NETO1: variants seen among roughly 807,000 people sequenced by gnomAD.
NETO1 encodes the protein neuropilin and tolloid like 1, also known as neuropilin and tolloid-like protein 1.
Under a neutral mutation model 61.3 loss-of-function variants are expected in NETO1, and 26 were observed. The observed-to-expected ratio is 0.42, with a 90% CI of 0.31 to 0.59. The LOEUF (loss-of-function observed/expected upper bound fraction) is 0.59, where lower values mean the gene tolerates loss of function less well. NETO1 is among the 20% of genes least tolerant of loss of function. The pLI, the probability that NETO1 is intolerant of heterozygous loss-of-function variation, is 0.12. For missense variants in NETO1, 531 were observed against 662.8 expected, an observed-to-expected ratio of 0.80 and a Z score of 2.18; for synonymous variants, 225 against 225.8, an observed-to-expected ratio of 1.00 and a Z score of 0.03.
chr18:72,847,670 T>C (rs894119607), intron 4 of NETO1, among the ~76,000 whole-genome samples: 6 of 152,220 alleles, frequency 3.9e-5, no homozygotes, highest in Non-Finnish European at 5.9e-5. Context: ...TATCTAGATA[T>C]AGATTTTTAA....
At chr18:72,810,242 A>T (rs2072821465) in intron 4 of NETO1, among the ~76,000 whole-genome samples, 1 of 152,174 alleles carries the variant, frequency 6.6e-6, no homozygotes, top group African/African-American at 2.4e-5. Context: ...TTATTTTCCC[A>T]ATTATTACAG....
intron 7 of NETO1, among the ~76,000 whole-genome samples, chr18:72,781,884 C>A (rs1568195341): frequency 7.5e-6 from 1 of 133,732 alleles, no homozygotes; most frequent in East Asian, 2.1e-4. Flanking sequence ...GGTACATGTG[C>A]AGGTTTACTA....
At chr18:72,865,531 C>T (rs2074708737) in intron 1 of NETO1, 1 of 1,592,938 alleles carries the variant, frequency 6.3e-7, no homozygotes, top group African/African-American at 1.3e-5. Context: ...ATGTCACACA[C>T]AGTACAGTGG....
chr18:72,794,576 T>A lies in NETO1; in HGVS notation c.470-172A>T, dbSNP rs151081301. Among the ~76,000 whole-genome samples the A allele has an allele frequency of 6.6e-3, 1,001 of 152,286 alleles. 14 individuals are homozygous for A. The highest frequency in any genetic ancestry group is 0.023 in the African/African-American group (939 of 41,560). On this transcript the variant is annotated intron_variant, in intron 4 of 10. Coordinates refer to ENST00000327305, the MANE Select transcript of NETO1 (RefSeq NM_138966.5). The stretch of plus-strand genomic sequence containing the variant: ...ATTAAATAAAAAGTGCATAATGATG[T>A]TGGGACTGAAATGTTAATTTAGTAT...
At chr18:72,772,089 T>G (rs1200315146) in intron 7 of NETO1, among the ~76,000 whole-genome samples, 2 of 152,180 alleles carry the variant, frequency 1.3e-5, no homozygotes, top group African/African-American at 4.8e-5. Context: ...GTCCCCACTT[T>G]CATGCTGACT....
intron 3 of NETO1, among the ~76,000 whole-genome samples, chr18:72,862,621 T>TC (rs2074609484): frequency 9.1e-6 from 1 of 109,312 alleles, no homozygotes; most frequent in Non-Finnish European, 2.2e-5. Flanking sequence ...CCTTTTTTTT[T>TC]CTTTTTTTTT....
chr18:72,762,535 T>C (rs1019554898), intron 7 of NETO1, among the ~76,000 whole-genome samples: 2 of 152,204 alleles, frequency 1.3e-5, no homozygotes, highest in African/African-American at 4.8e-5. Context: ...AAAAGTTTTG[T>C]AATTAAAGGA....
intron 7 of NETO1, among the ~76,000 whole-genome samples, chr18:72,769,986 C>T (rs1215126992): frequency 6.6e-6 from 1 of 152,032 alleles, no homozygotes; most frequent in Non-Finnish European, 1.5e-5. Flanking sequence ...TTTATATATA[C>T]TGCTAAATTG....
chr18:72,830,954 G>C lies in NETO1; in HGVS notation c.469+27872C>G, dbSNP rs2073556770. Among the ~76,000 whole-genome samples the C allele has an allele frequency of 6.6e-6, 1 of 152,082 alleles. No homozygotes were observed. Among genetic ancestry groups the C allele is most frequent in the Admixed American group, 6.5e-5 (1 of 15,270 alleles). On this transcript the variant is annotated intron_variant, in intron 4 of 10. Transcript: ENST00000327305. This position sits in a 1 kb window ranked among gnomAD's most constrained non-coding sequence, Gnocchi z 4.9. ...GGGTTGTCAATTATGCCTTCTGACTGCAAAATCTTCTTGATGAGGTATACT... is the reference window on the plus strand; with the variant it reads ...GGGTTGTCAATTATGCCTTCTGACTCCAAAATCTTCTTGATGAGGTATACT...
chr18:72,852,089 C>G (rs2074267370), intron 4 of NETO1, among the ~76,000 whole-genome samples: 1 of 152,190 alleles, frequency 6.6e-6, no homozygotes, highest in Non-Finnish European at 1.5e-5. Context: ...CAGATGTACT[C>G]TATTTAAAAC....
At chr18:72,785,517 T>C (rs2071883745) in intron 6 of NETO1, among the ~76,000 whole-genome samples, 1 of 152,196 alleles carries the variant, frequency 6.6e-6, no homozygotes, top group Non-Finnish European at 1.5e-5. Context: ...GTTATATTTC[T>C]AAGAAACAAA....
intron 4 of NETO1, among the ~76,000 whole-genome samples, chr18:72,796,056 A>G (rs996630090): frequency 6.6e-6 from 1 of 152,182 alleles, no homozygotes; most frequent in African/African-American, 2.4e-5. Flanking sequence ...TGTAAGTTAC[A>G]ATCTTTTAAA....
intron 7 of NETO1, among the ~76,000 whole-genome samples, chr18:72,779,249 G>A (rs1028828009): frequency 6.6e-6 from 1 of 151,240 alleles, no homozygotes; most frequent in African/African-American, 2.4e-5. Context: ...TATTGGATGT[G>A]TATAATTATA....
chr18:72,791,212 T>C (rs1323080170), intron 6 of NETO1, among the ~76,000 whole-genome samples: 1 of 152,212 alleles, frequency 6.6e-6, no homozygotes, highest in Non-Finnish European at 1.5e-5. Flanking sequence ...ATATTTTCTA[T>C]TTGTCAAAAG....
At chr18:72,752,753 C>G (rs915991599) in intron 8 of NETO1, among the ~76,000 whole-genome samples, 4 of 151,902 alleles carry the variant, frequency 2.6e-5, no homozygotes, top group African/African-American at 9.7e-5. Flanking sequence ...CAAGCTATGA[C>G]TGAAGAAGCT....
chr18:72,789,356 A>C (rs537908963), intron 6 of NETO1, among the ~76,000 whole-genome samples: 2 of 152,264 alleles, frequency 1.3e-5, no homozygotes, highest in Admixed American at 1.3e-4. Context: ...TGAAAATATG[A>C]GAGTATAAAA....
At chr18:72,854,286 C>CCTAA (rs1434297687) in intron 4 of NETO1, among the ~76,000 whole-genome samples, 3 of 152,186 alleles carry the variant, frequency 2.0e-5, no homozygotes, top group Non-Finnish European at 4.4e-5. Flanking sequence ...AATGTCAATG[C>CCTAA]CTAACTCAGT....
intron 4 of NETO1, among the ~76,000 whole-genome samples, chr18:72,829,529 G>T (rs898127013): frequency 1.3e-5 from 2 of 152,034 alleles, no homozygotes; most frequent in African/African-American, 4.8e-5. Flanking sequence ...GGCATTTTCT[G>T]AACACTATGA....
Position 72,821,227 on chromosome 18 carries a change from T to C in NETO1, c.470-26823A>G, listed in dbSNP as rs377078657. Among the ~76,000 whole-genome samples, 101 of 99,584 alleles carry C rather than the reference T, an allele frequency of 1.0e-3. 1 individual carries two copies. Among genetic ancestry groups the C allele is most frequent in the African/African-American group, 4.2e-3 (100 of 23,660 alleles). The allele number at this position is 99,584 out of a possible 152,430, so 65.3% of individuals were successfully genotyped here. A position where few individuals can be genotyped will look rare whatever the true frequency, so the allele number is the denominator to read the frequency against. On this transcript the variant is annotated intron_variant, in intron 4 of 10. Transcript: ENST00000327305. ...TTTCTTCTAAGCATTCTCTTCTTCA[T>C]ATTAACTAAAAAAAAAAAAAAAAAA...
Sources: allele counts gnomAD v4.1 joint callset (sites outside exome capture counted in the v4.1 genomes callset), GRCh38; gene constraint gnomAD v4.1.1; non-coding constraint Gnocchi (gnomAD v3.1); transcripts MANE v1.5; gene names NCBI Gene and HGNC (gene_info 2026-07-23, HGNC 2026-07-21).